Variants in NAALADL2 observed in about 807,000 individuals in gnomAD.
NAALADL2 encodes the protein inactive N-acetylated-alpha-linked acidic dipeptidase-like protein 2.
In NAALADL2, 76 loss-of-function variants were observed where a neutral mutation model predicts 87.2. That is an observed-to-expected ratio of 0.87 (90% CI 0.72 to 1.05). The LOEUF (loss-of-function observed/expected upper bound fraction) is 1.05, where lower values mean the gene tolerates loss of function less well. Ranked by LOEUF, NAALADL2 falls within the 50% of genes least tolerant of loss-of-function variation. NAALADL2 has a pLI of 0.00. For synonymous variants in NAALADL2, 354 were observed against 331.0 expected, an observed-to-expected ratio of 1.07 and a Z score of -0.75; for missense variants, 1,089 against 945.8, an observed-to-expected ratio of 1.15 and a Z score of -1.99.
intron 9 of NAALADL2, among the ~76,000 whole-genome samples, chr3:175,483,790 A>G (rs1582080604): frequency 6.6e-6 from 1 of 152,248 alleles, no homozygotes; most frequent in East Asian, 1.9e-4. Flanking sequence ...AGAAGAATAG[A>G]AGGGAAAATA....
At chr3:174,981,569 A>G (rs1225264363) in intron 1 of NAALADL2, among the ~76,000 whole-genome samples, 1 of 152,198 alleles carries the variant, frequency 6.6e-6, no homozygotes, top group African/African-American at 2.4e-5. Flanking sequence ...TTAATAAATA[A>G]TGTAATAAAT....
intron 2 of NAALADL2, among the ~76,000 whole-genome samples, chr3:175,145,434 C>G (rs1214311406): frequency 3.3e-5 from 5 of 152,114 alleles, no homozygotes; most frequent in Admixed American, 2.0e-4. Flanking sequence ...AACAGATTGC[C>G]TTCAGAATTA....
At chr3:175,543,915 C>A (rs1329964983) in intron 9 of NAALADL2, among the ~76,000 whole-genome samples, 2 of 152,110 alleles carry the variant, frequency 1.3e-5, no homozygotes, top group Non-Finnish European at 2.9e-5. Flanking sequence ...AGAAAGGCAT[C>A]AAAAGGAGGT....
chr3:175,759,922 A>G (rs906463886), intron 13 of NAALADL2, among the ~76,000 whole-genome samples: 1 of 152,160 alleles, frequency 6.6e-6, no homozygotes, highest in African/African-American at 2.4e-5. Flanking sequence ...TTTCATGGAC[A>G]CAAAAAAGCC....
intron 1 of NAALADL2, among the ~76,000 whole-genome samples, chr3:175,087,330 TG>T (rs1270626031): frequency 6.6e-6 from 1 of 152,026 alleles, no homozygotes; most frequent in Non-Finnish European, 1.5e-5. Context: ...GGAAGGAGGT[TG>T]GGGGCGCCTC....
At chr3:175,619,236 A>AAAGAAAGG (rs545912505) in intron 10 of NAALADL2, among the ~76,000 whole-genome samples, 21 of 142,410 alleles carry the variant, frequency 1.5e-4, no homozygotes, top group African/African-American at 2.9e-4. Context: ...AGAAAGAAAG[A>AAAGAAAGG]AAGGAAGGAA....
intron 3 of NAALADL2, among the ~76,000 whole-genome samples, chr3:174,769,756 GTTTT>G (rs1026603629): frequency 6.6e-6 from 1 of 150,864 alleles, no homozygotes; most frequent in African/African-American, 2.4e-5. Flanking sequence ...ACAATTAAAA[GTTTT>G]TTTCTCTTTT....
At chr3:175,795,971 G>C (rs1434094376) in intron 13 of NAALADL2, among the ~76,000 whole-genome samples, 1 of 151,736 alleles carries the variant, frequency 6.6e-6, no homozygotes, top group Non-Finnish European at 1.5e-5. Flanking sequence ...GCTAGTAAAG[G>C]AAAACCTCTA....
intron 3 of NAALADL2, among the ~76,000 whole-genome samples, chr3:174,814,343 G>A (rs1439196395): frequency 1.3e-5 from 2 of 151,876 alleles, no homozygotes; most frequent in African/African-American, 2.4e-5. Flanking sequence ...TCCTGACCTC[G>A]TGATCCGCCC....
chr3:174,850,887 A>G (rs1158365573), intron 3 of NAALADL2, among the ~76,000 whole-genome samples: 1 of 152,180 alleles, frequency 6.6e-6, no homozygotes, highest in East Asian at 1.9e-4. Flanking sequence ...AATTTAAAAA[A>G]AAACACTGAA....
chr3:174,471,212 T>A (rs935148819), intron 1 of NAALADL2, among the ~76,000 whole-genome samples: 9 of 152,066 alleles, frequency 5.9e-5, no homozygotes, highest in Non-Finnish European at 2.9e-5. Flanking sequence ...TTACTTTTTT[T>A]TTTTATATTT....
chr3:174,899,237 AGAG>A (rs1732006356), intron 1 of NAALADL2, among the ~76,000 whole-genome samples: 1 of 152,188 alleles, frequency 6.6e-6, no homozygotes, highest in South Asian at 2.1e-4. Flanking sequence ...AATTTTTATT[AGAG>A]AAGAAAGACA....
intron 1 of NAALADL2, chr3:175,081,241 ATGT>A (rs1381117786): frequency 1.3e-5 from 2 of 152,244 alleles, no homozygotes; most frequent in Non-Finnish European, 2.9e-5. Context: ...AAGTGTAATT[ATGT>A]TATCAAATAT....
chr3:175,709,092 G>C (rs1266964131), intron 11 of NAALADL2, among the ~76,000 whole-genome samples: 3 of 152,038 alleles, frequency 2.0e-5, no homozygotes, highest in Admixed American at 2.0e-4. Context: ...AAGGTATCAA[G>C]ATCTCCACCA....
At chr3:174,480,479 G>C (rs559475102) in intron 1 of NAALADL2, among the ~76,000 whole-genome samples, 1 of 152,008 alleles carries the variant, frequency 6.6e-6, no homozygotes, top group East Asian at 1.9e-4. Context: ...TGGTGTCCCT[G>C]CCTTTATAGA....
intron 1 of NAALADL2, among the ~76,000 whole-genome samples, chr3:174,935,988 T>G (rs1737636809): frequency 6.6e-6 from 1 of 152,162 alleles, no homozygotes; most frequent in South Asian, 2.1e-4. Context: ...TGATTATTCA[T>G]TTTGCAAAAA....
intron 1 of NAALADL2, among the ~76,000 whole-genome samples, chr3:174,977,459 T>C (rs1254142378): frequency 6.6e-6 from 1 of 152,210 alleles, no homozygotes; most frequent in African/African-American, 2.4e-5. Flanking sequence ...ACTTCACCTT[T>C]TTCTGCTTCA....
At chr3:174,555,759 G>A (rs1712715335) in intron 2 of NAALADL2, among the ~76,000 whole-genome samples, 2 of 152,138 alleles carry the variant, frequency 1.3e-5, no homozygotes, top group African/African-American at 4.8e-5. Flanking sequence ...TATAGGGGAT[G>A]ACTTCTCTAG....
chr3:175,717,472 G>A (rs1741471018), intron 11 of NAALADL2, among the ~76,000 whole-genome samples: 1 of 151,956 alleles, frequency 6.6e-6, no homozygotes, highest in South Asian at 2.1e-4. Flanking sequence ...AAGGAGGATT[G>A]CTTGAGCCCA....
Sources: allele counts gnomAD v4.1 joint callset (sites outside exome capture counted in the v4.1 genomes callset), GRCh38; gene constraint gnomAD v4.1.1; transcripts MANE v1.5; gene names NCBI Gene and HGNC (gene_info 2026-07-23, HGNC 2026-07-21).